KIFAP3: variants seen among roughly 807,000 people sequenced by gnomAD.
KIFAP3 encodes kinesin-associated protein 3.
In KIFAP3, 68 loss-of-function variants were observed where a neutral mutation model predicts 106.5. The observed-to-expected ratio is 0.64, with a 90% CI of 0.53 to 0.78. The LOEUF (loss-of-function observed/expected upper bound fraction) is 0.78. Ranked by LOEUF, KIFAP3 falls within the 30% of genes least tolerant of loss-of-function variation. The probability of loss-of-function intolerance (pLI) is 0.00; values close to 1 mark genes in which losing one functional copy is unlikely to be tolerated. For synonymous variants in KIFAP3, 320 were observed against 311.5 expected (o/e 1.03, Z -0.29); for missense variants, 780 against 941.8 (o/e 0.83, Z 2.25).
chr1:169,986,554 A>G (rs945561861), intron 11 of KIFAP3, among the ~76,000 whole-genome samples: 1 of 152,008 alleles, frequency 6.6e-6, no homozygotes, highest in East Asian at 1.9e-4. Context: ...AAGTAAAATA[A>G]TCTTAATTTA....
intron 19 of KIFAP3, among the ~76,000 whole-genome samples, chr1:169,947,100 T>A (rs149199069): frequency 6.6e-6 from 1 of 152,026 alleles, no homozygotes; most frequent in East Asian, 1.9e-4. Context: ...ACTCAAAAAA[T>A]TTTACTGTAC....
chr1:170,003,657 G>C (rs1488320190), intron 10 of KIFAP3, among the ~76,000 whole-genome samples: 1 of 152,208 alleles, frequency 6.6e-6, no homozygotes, highest in Non-Finnish European at 1.5e-5. Flanking sequence ...AGGCAGGCAG[G>C]CTTCCTTCAG....
intron 10 of KIFAP3, among the ~76,000 whole-genome samples, chr1:170,015,865 C>T (rs1025024111): frequency 6.6e-6 from 1 of 152,104 alleles, no homozygotes; most frequent in Non-Finnish European, 1.5e-5. Flanking sequence ...AGGTATCTTG[C>T]TGGCAGCTAA....
intron 2 of KIFAP3, among the ~76,000 whole-genome samples, chr1:170,052,155 C>A (rs1281671395): frequency 6.6e-6 from 1 of 151,764 alleles, no homozygotes; most frequent in African/African-American, 2.4e-5. Flanking sequence ...AAAGGGGATA[C>A]CACCACTGAT....
At chr1:170,080,057 A>G (rs953937802) in intron 1 of KIFAP3, among the ~76,000 whole-genome samples, 2 of 152,108 alleles carry the variant, frequency 1.3e-5, no homozygotes, top group African/African-American at 4.8e-5. Flanking sequence ...AAGCTACTAG[A>G]CCTAATAATT....
chr1:170,027,105 C>T (rs1252791965), intron 8 of KIFAP3, among the ~76,000 whole-genome samples: 1 of 150,042 alleles, frequency 6.7e-6, no homozygotes, highest in African/African-American at 2.5e-5. Flanking sequence ...CTGCAACCTC[C>T]ACCTCCTGGG....
chr1:169,939,993 T>C (rs1664019240), intron 19 of KIFAP3, among the ~76,000 whole-genome samples: 1 of 152,150 alleles, frequency 6.6e-6, no homozygotes, highest in Non-Finnish European at 1.5e-5. Context: ...AGAGTTTAAC[T>C]TTGCAGATTC....
rs1174673648 is a variant in KIFAP3 at position 170,055,336 on chromosome 1, T to A, written c.133A>T (p.Met45Leu). ...ATILGEMGDP[M>L]LGERKECQKI... ...TGACATTCTTTTCGTTCTCCCAACA[T>A]GGGGTCCCCCATTTCTCCAAGAATG... Residue 45 changes from methionine (M) to leucine (L), a missense_variant, in exon 2 of 20, where the codon ATG (methionine) becomes TTG (leucine). By Grantham distance (15) the Met-to-Leu change is conservative. Coordinates refer to ENST00000361580, the MANE Select transcript of KIFAP3 (RefSeq NM_014970.4). 1 of 1,605,750 alleles carries A rather than the reference T, an allele frequency of 6.2e-7. No homozygotes were observed. Among genetic ancestry groups the A allele is most frequent in the African/African-American group, 1.3e-5 (1 of 74,444 alleles).
chr1:170,074,085 A>G (rs1671818745), intron 1 of KIFAP3, among the ~76,000 whole-genome samples: 1 of 151,396 alleles, frequency 6.6e-6, no homozygotes, highest in East Asian at 1.9e-4. Context: ...CTCTCATGGG[A>G]TTTATCTATT....
rs76628824 is a variant in KIFAP3, at chr1:169,964,288, A to T, written c.1984-3053T>A. 6.7e-3 allele frequency among the ~76,000 whole-genome samples: 1,018 copies of T among 152,268 alleles called. 11 individuals carry two copies. Among genetic ancestry groups the T allele is most frequent in the African/African-American group, 0.023 (966 of 41,560 alleles). ...TATGTGCCATAATTATCAACATCTT[A>T]CAAATGAGAAAATGAGGCCCTGAAC... On this transcript the variant is annotated intron_variant, in intron 17 of 19. Transcript: ENST00000361580.
chr1:170,021,941 C>CTTTTTTTTT lies in KIFAP3; in HGVS notation c.1020+2468_1020+2476dup, dbSNP rs71125221. On this transcript the variant is annotated intron_variant, in intron 9 of 19. Transcript: ENST00000361580. ...TCAGGTCTATTTCTTTCTTTTCTTT[C>CTTTTTTTTT]TTTTTTTTTTTTTTTTTTTTTTTTT... is the stretch of plus-strand genomic sequence containing the variant. Among the ~76,000 whole-genome samples, 572 of 77,924 alleles carry CTTTTTTTTT rather than the reference C, an allele frequency of 7.3e-3. 2 individuals carry two copies. Among genetic ancestry groups the CTTTTTTTTT allele is most frequent in the Non-Finnish European group, 8.5e-3 (339 of 39,904 alleles). 51.1% of individuals were successfully genotyped at this position (77,924 alleles called of 152,430 possible). A position where few individuals can be genotyped will look rare whatever the true frequency, so the allele number is the denominator to read the frequency against.
chr1:169,935,185 A>C (rs1053775859), intron 19 of KIFAP3, among the ~76,000 whole-genome samples: 35 of 152,062 alleles, frequency 2.3e-4, no homozygotes, highest in African/African-American at 8.2e-4. Context: ...ATATCTCAGC[A>C]TGAAGTTTGG....
At chr1:170,027,788 CA>C (rs1201101323) in intron 8 of KIFAP3, among the ~76,000 whole-genome samples, 4 of 151,780 alleles carry the variant, frequency 2.6e-5, no homozygotes, top group South Asian at 2.1e-4. Flanking sequence ...ATTATAAACC[CA>C]GAGTTTCAAT....
At chr1:169,940,021 T>C (rs1224833388) in intron 19 of KIFAP3, among the ~76,000 whole-genome samples, 1 of 152,180 alleles carries the variant, frequency 6.6e-6, no homozygotes, top group Non-Finnish European at 1.5e-5. Flanking sequence ...TGTTTATATG[T>C]TGACAGGAAT....
At chr1:169,948,019 C>A (rs2101829374) in intron 19 of KIFAP3, among the ~76,000 whole-genome samples, 1 of 151,162 alleles carries the variant, frequency 6.6e-6, no homozygotes, top group Admixed American at 6.6e-5. Context: ...TATTCCACTA[C>A]CCTCAATGTA....
intron 17 of KIFAP3, among the ~76,000 whole-genome samples, chr1:169,964,149 C>A (rs1414285559): frequency 2.6e-5 from 4 of 152,138 alleles, no homozygotes; most frequent in African/African-American, 7.2e-5. Context: ...AATCACTGAT[C>A]ACACACAAAT....
At chr1:170,071,223 T>C (rs1486192647) in intron 1 of KIFAP3, among the ~76,000 whole-genome samples, 1 of 152,106 alleles carries the variant, frequency 6.6e-6, no homozygotes, top group African/African-American at 2.4e-5. Context: ...GTCTGGCAAT[T>C]CCAGGCCTAG....
intron 1 of KIFAP3, among the ~76,000 whole-genome samples, chr1:170,061,312 A>C (rs1446945410): frequency 7.2e-6 from 1 of 139,034 alleles, no homozygotes; most frequent in Non-Finnish European, 1.6e-5. Context: ...AAACAAATTT[A>C]CAAGAAAAAA....
In KIFAP3 at chr1:169,984,418, G is replaced by C. The variant is rs571679771; in HGVS notation, c.1393+164C>G. ...GAAGGTAAGTGTCTGCATTTATGAC[G>C]TAAGAATATTCTATCTGACCTTTAA... is the stretch of plus-strand genomic sequence containing the variant. On this transcript the variant is annotated intron_variant, in intron 12 of 19. Coordinates refer to ENST00000361580, the MANE Select transcript of KIFAP3 (RefSeq NM_014970.4). Among the ~76,000 whole-genome samples, 3 of 151,896 alleles carry C rather than the reference G, an allele frequency of 2.0e-5. No individual in the cohort carries two copies. In the East Asian group the frequency reaches 5.8e-4, roughly 29 times the overall value.
Sources: allele counts gnomAD v4.1 joint callset (sites outside exome capture counted in the v4.1 genomes callset), GRCh38; gene constraint gnomAD v4.1.1; transcripts MANE v1.5; gene names NCBI Gene and HGNC (gene_info 2026-07-23, HGNC 2026-07-21).